The following NAPB variants were observed in gnomAD, a reference collection of about 807,000 sequenced individuals.
The protein encoded by NAPB is NSF attachment protein beta, also known as beta-soluble NSF attachment protein.
In NAPB, 26 loss-of-function variants were observed where a neutral mutation model predicts 44.7. That is an observed-to-expected ratio of 0.58 (90% CI 0.43 to 0.81). NAPB has a LOEUF of 0.81. Among genes scored for constraint, NAPB ranks in the 30% least tolerant of loss-of-function variants. The probability of loss-of-function intolerance (pLI) is 0.00; values close to 1 mark genes in which losing one functional copy is unlikely to be tolerated. For synonymous variants in NAPB, 120 were observed against 116.8 expected, an observed-to-expected ratio of 1.03 and a Z score of -0.18; for missense variants, 315 against 356.4, an observed-to-expected ratio of 0.88 and a Z score of 0.94.
intron 2 of NAPB, among the ~76,000 whole-genome samples, chr20:23,401,859 C>G (rs1162055438): frequency 6.6e-6 from 1 of 152,188 alleles, no homozygotes; most frequent in African/African-American, 2.4e-5. Flanking sequence ...CTAGCTTGGG[C>G]TGCAGAGTGA....
intron 7 of NAPB, among the ~76,000 whole-genome samples, chr20:23,386,340 G>T (rs900053100): frequency 3.3e-5 from 5 of 152,050 alleles, no homozygotes; most frequent in African/African-American, 1.2e-4. Flanking sequence ...AACAAAAAAA[G>T]AGAAATAATT....
intron 10 of NAPB, 87 bp downstream of exon 10, chr20:23,379,358 G>A: frequency 9.6e-7 from 1 of 1,038,556 alleles, no homozygotes; most frequent in South Asian, 1.5e-5. Context: ...TCAAATAAAT[G>A]TTTAGAATTC....
At chr20:23,396,720 C>A (rs1261621042) in intron 3 of NAPB, 1 of 154,384 alleles carries the variant, frequency 6.5e-6, no homozygotes, top group Non-Finnish European at 1.4e-5. Flanking sequence ...ATAAGAGTTT[C>A]CTTTTATGAA....
chr20:23,411,838 T>C (rs1217810275), intron 1 of NAPB, among the ~76,000 whole-genome samples: 1 of 151,998 alleles, frequency 6.6e-6, no homozygotes, highest in African/African-American at 2.4e-5. Flanking sequence ...AAAAGAGACA[T>C]GAAGACAAAT....
chr20:23,382,351 C>G (rs1276598053), intron 7 of NAPB, among the ~76,000 whole-genome samples: 1 of 152,072 alleles, frequency 6.6e-6, no homozygotes, highest in Non-Finnish European at 1.5e-5. Context: ...AACGTTTAAA[C>G]AAGACCCAGT....
chr20:23,395,365 C>T lies in NAPB; in HGVS notation c.296-180G>A, dbSNP rs116351469. On this transcript the variant is annotated intron_variant, in intron 3 of 10. Transcript: ENST00000377026. ...CACAAGTCCAGATTCATCAGCATGG[C>T]TTTGTTCCCAGCAGCTATAGTATAA... 7.7e-3 allele frequency among the ~76,000 whole-genome samples: 1,177 copies of T among 152,242 alleles called. 20 individuals are homozygous for T. The highest frequency in any genetic ancestry group is 0.026 in the African/African-American group (1,100 of 41,532).
intron 7 of NAPB, among the ~76,000 whole-genome samples, chr20:23,389,576 G>C (rs1189332730): frequency 6.6e-6 from 1 of 152,172 alleles, no homozygotes; most frequent in Non-Finnish European, 1.5e-5. Flanking sequence ...ACTGACATTT[G>C]CTATGACATG....
Position 23,390,241 on chromosome 20 carries a change from A to G in NAPB, c.444T>C (p.Ser148=), listed in dbSNP as rs775760708. The G allele has an allele frequency of 6.2e-7, 1 of 1,611,428 alleles. No individual in the cohort carries two copies. Among genetic ancestry groups the G allele is most frequent in the East Asian group, 2.2e-5 (1 of 44,860 alleles). Residue 148 remains serine, a synonymous_variant, in exon 6 of 11, where the codon TCT becomes TCC. Transcript: ENST00000377026. ...IEKAIAHYEQ[S]ADYYKGEESN... is the part of the protein sequence containing the mutation. ...ATTCTTCTCCTTTGTAATAATCAGC[A>G]GATTGTTCATAATGTGCAATAGCCT...
At chr20:23,420,674 C>A (rs1986337163) in intron 1 of NAPB, among the ~76,000 whole-genome samples, 1 of 152,084 alleles carries the variant, frequency 6.6e-6, no homozygotes, top group African/African-American at 2.4e-5. Flanking sequence ...GAAGGGGGCC[C>A]CACGCGCGCC....
At chr20:23,406,134 C>G (rs1300848688) in intron 1 of NAPB, among the ~76,000 whole-genome samples, 1 of 152,152 alleles carries the variant, frequency 6.6e-6, no homozygotes, top group Admixed American at 6.5e-5. Flanking sequence ...AAGGCCCTCA[C>G]CAGATACCAG....
chr20:23,403,474 G>C (rs1363321937), intron 1 of NAPB, among the ~76,000 whole-genome samples: 1 of 152,126 alleles, frequency 6.6e-6, no homozygotes, highest in East Asian at 1.9e-4. Flanking sequence ...GTGGTGGCAT[G>C]TGCCTGTAGT....
intron 7 of NAPB, among the ~76,000 whole-genome samples, chr20:23,385,779 G>GAA (rs1568605540): frequency 1.3e-5 from 2 of 151,648 alleles, no homozygotes; most frequent in Non-Finnish European, 2.9e-5. Flanking sequence ...GAGAGAGAGA[G>GAA]AGAGAAAGAG....
In NAPB at chr20:23,412,822, C is replaced by T. The variant is rs567422681; in HGVS notation, c.98+8483G>A. ...ACCAGCCTGGCCAACACGGTGAAAC[C>T]GTGTCTCTACTAAATATACAAAAAT... On this transcript the variant is annotated intron_variant, in intron 1 of 10. Coordinates refer to ENST00000377026, the MANE Select transcript of NAPB (RefSeq NM_022080.3). Among the ~76,000 whole-genome samples the T allele has an allele frequency of 2.8e-4, 43 of 152,236 alleles. No homozygotes were observed. The East Asian group carries it at 7.9e-3, about 28-fold the overall frequency.
intron 8 of NAPB, 96 bp downstream of exon 8, chr20:23,381,117 T>C: frequency 1.2e-6 from 1 of 836,048 alleles, no homozygotes; most frequent in Non-Finnish European, 2.1e-6. Context: ...TTATTCTTGG[T>C]ACTAACATCA....
chr20:23,382,729 C>T (rs1389538430), intron 7 of NAPB, among the ~76,000 whole-genome samples: 1 of 151,012 alleles, frequency 6.6e-6, no homozygotes, highest in African/African-American at 2.4e-5. Context: ...GAAAGAAGCA[C>T]TAAATGGAAG....
chr20:23,390,438 C>T (rs537075897), intron 5 of NAPB, among the ~76,000 whole-genome samples, 174 bp from the exon 6 acceptor site: 1 of 152,366 alleles, frequency 6.6e-6, no homozygotes, highest in East Asian at 1.9e-4. Context: ...AAGCAGAATG[C>T]TTGCTGACCA....
At chr20:23,406,386 T>C (rs1015717247) in intron 1 of NAPB, among the ~76,000 whole-genome samples, 3 of 152,124 alleles carry the variant, frequency 2.0e-5, no homozygotes, top group African/African-American at 7.2e-5. Context: ...CATAGCCCTG[T>C]GAATAGGCTA....
intron 7 of NAPB, among the ~76,000 whole-genome samples, chr20:23,384,998 A>G (rs1983365378): frequency 6.6e-6 from 1 of 152,158 alleles, no homozygotes; most frequent in South Asian, 2.1e-4. Context: ...ACGCACCTGT[A>G]ATCTCAGCTA....
At chr20:23,402,505 C>G (rs766270285) in intron 2 of NAPB, among the ~76,000 whole-genome samples, 11 of 152,140 alleles carry the variant, frequency 7.2e-5, no homozygotes, top group Non-Finnish European at 1.2e-4. Context: ...CCCCCTCCCC[C>G]CAAACCCCAC....
Sources: allele counts gnomAD v4.1 joint callset (sites outside exome capture counted in the v4.1 genomes callset), GRCh38; gene constraint gnomAD v4.1.1; transcripts MANE v1.5; gene names NCBI Gene and HGNC (gene_info 2026-07-23, HGNC 2026-07-21).